Variants in TBX1 observed in about 807,000 individuals in gnomAD.
TBX1 encodes T-box transcription factor TBX1.
A neutral mutation model predicts 40.8 loss-of-function variants in TBX1; 16 were observed. That is an observed-to-expected ratio of 0.39 (90% CI 0.27 to 0.60). TBX1 has a LOEUF of 0.60. Ranked by LOEUF, TBX1 falls within the 20% of genes least tolerant of loss-of-function variation. The pLI is 0.51. For missense variants in TBX1, 755 were observed against 728.5 expected, an observed-to-expected ratio of 1.04 and a Z score of -0.42; for synonymous variants, 403 against 336.8, an observed-to-expected ratio of 1.20 and a Z score of -2.15.
Position 19,766,892 on chromosome 22 carries a change from C to CCG in TBX1, c.*26_*27dup, listed in dbSNP as rs1412436503. 6 of 1,583,242 alleles carry CCG rather than the reference C, an allele frequency of 3.8e-6. No individual in the cohort carries two copies. In the South Asian group the frequency reaches 4.5e-5, roughly 12 times the overall value. On this transcript the variant is annotated 3_prime_UTR_variant, in exon 7 of 7. Transcript: ENST00000649276. ...ACACGGGCCCTGTCGCGCTCCCGCC[C>CCG]CGGTCCTGCACAGCCCCGAAGTTCG...
chr22:19,767,400 C>A, downstream of TBX1: 1 of 986,184 alleles, frequency 1.0e-6, no homozygotes, highest in Non-Finnish European at 1.2e-6. Context: ...GACAGCGAGC[C>A]CGGGGTAGCT....
rs781108085 is a variant in TBX1 at position 19,766,651 on chromosome 22, C to A, written c.1299C>A (p.Asp433Glu). 6.4e-7 allele frequency: 1 copy of A among 1,555,028 alleles called. No homozygotes were observed. The highest frequency in any genetic ancestry group is 1.2e-5 in the South Asian group (1 of 86,678). Reference protein sequence around the residue: ...HPYKYPAAAYDHYLGAKSRPA... With the variant: ...HPYKYPAAAYEHYLGAKSRPA... ...ACAAATATCCGGCCGCCGCCTACGA[C>A]CACTATCTCGGGGCCAAGAGCCGGC... The change falls in exon 7 of 7, where the codon GAC becomes GAA. Residue 433 changes from aspartate (D) to glutamate (E), a missense_variant. By Grantham distance (45) the Asp-to-Glu change is conservative. Around this residue, in one of 3 missense-constraint regions of TBX1, gnomAD observed 412 missense variants for 317.6 expected, o/e 1.30. Coordinates refer to ENST00000649276, the MANE Select transcript of TBX1 (RefSeq NM_001379200.1).
downstream of TBX1, among the ~76,000 whole-genome samples, chr22:19,770,577 G>A (rs1331331454): frequency 6.6e-6 from 1 of 152,248 alleles, no homozygotes; most frequent in Non-Finnish European, 1.5e-5. Context: ...TTGAGCTGCG[G>A]AGGAAGACAA....
chr22:19,766,325 A>G lies in TBX1; in HGVS notation c.1037-64A>G, dbSNP rs72646966. ...AGCCTTCTCTCCGCCAGGGCCTCGC[A>G]TGGGGCGTCGGAGCTCCTCGGCGGC... On this transcript the variant is annotated intron_variant, in intron 6 of 6. Transcript: ENST00000649276. 0.21 allele frequency: 263,845 copies of G among 1,227,814 alleles called. 31,144 individuals are homozygous for G. The highest frequency in any genetic ancestry group is 0.47 in the East Asian group (13,616 of 28,940). The allele number at this position is 1,227,814 out of a possible 1,614,324, so 76.1% of individuals were successfully genotyped here.
chr22:19,760,773 C>A (rs1478713313), upstream of TBX1: 1 of 394,294 alleles, frequency 2.5e-6, no homozygotes, highest in Non-Finnish European at 3.4e-6. Flanking sequence ...AGCGCGGCGC[C>A]CGCCACTCGG....
At chr22:19,767,402 G>A (rs1936901963), downstream of TBX1, 1 of 985,866 alleles carries the variant, frequency 1.0e-6, no homozygotes, top group African/African-American at 1.7e-5. Flanking sequence ...CAGCGAGCCC[G>A]GGGTAGCTCA....
exon 9 of TBX1, chr22:19,779,267 A>G (rs776659451): frequency 6.2e-7 from 1 of 1,614,242 alleles, no homozygotes. Context: ...GACGTCTAGG[A>G]ACACACCAGA....
Position 19,765,991 on chromosome 22 carries a change from G to A in TBX1, c.1025G>A (p.Gly342Asp), listed in dbSNP as rs1191464098. The A allele has an allele frequency of 2.6e-6, 4 of 1,511,666 alleles. No individual in the cohort carries two copies. The highest frequency in any genetic ancestry group is 3.5e-6 in the Non-Finnish European group (4 of 1,136,136). 93.6% of individuals were successfully genotyped at this position (1,511,666 alleles called of 1,614,324 possible). A position where few individuals can be genotyped will look rare whatever the true frequency, so the allele number is the denominator to read the frequency against. The change falls in exon 6 of 7, where the codon GGC becomes GAC. Residue 342 changes from glycine (G) to aspartate (D), a missense_variant. Around this residue, in one of 3 missense-constraint regions of TBX1, gnomAD observed 412 missense variants for 317.6 expected, o/e 1.30. Transcript: ENST00000649276. The part of the protein sequence containing the change: ...NPVASPTQPS[G>D]TEKDAAEARR... ...GTGGCTTCCCCGACGCAGCCCAGCG[G>A]CACGGAGAAAGGTAGGGCCGGGGTC...
chr22:19,763,462 T>C (rs1785225563), intron 2 of TBX1, 120 bp downstream of exon 2: 7 of 849,124 alleles, frequency 8.2e-6, no homozygotes, highest in Non-Finnish European at 1.3e-5. Flanking sequence ...GCACCTGCGA[T>C]GCTGCCCGAT....
At chr22:19,782,449 G>A (rs1278670981), downstream of TBX1, among the ~76,000 whole-genome samples, 2 of 152,108 alleles carry the variant, frequency 1.3e-5, no homozygotes, top group Non-Finnish European at 2.9e-5. Context: ...GTTATGTTGA[G>A]GAACTCTTTA....
chr22:19,767,401 C>T (rs1936901872), downstream of TBX1: 1 of 986,124 alleles, frequency 1.0e-6, no homozygotes, highest in Non-Finnish European at 1.2e-6. Context: ...ACAGCGAGCC[C>T]GGGGTAGCTC....
chr22:19,782,796 C>T, downstream of TBX1: 3 of 1,577,568 alleles, frequency 1.9e-6, no homozygotes, highest in South Asian at 1.1e-5. Context: ...TGTCTGTGTT[C>T]ACTCTTTCTT....
In TBX1 at chr22:19,766,857, G is replaced by T. The variant is rs1936877305; in HGVS notation, c.1505G>T (p.Cys502Phe). 6.3e-7 allele frequency: 1 copy of T among 1,580,496 alleles called. No individual in the cohort carries two copies. The highest frequency in any genetic ancestry group is 1.7e-5 in the Admixed American group (1 of 58,876). ...GAAPPGSYDYCPR is the reference protein window; with the variant it reads ...GAAPPGSYDYFPR The stretch of plus-strand genomic sequence containing the variant: ...GCGCCGCCCGGCTCCTACGACTATT[G>T]CCCCAGATAACACGGGCCCTGTCGC... The change falls in exon 7 of 7, where the codon TGC (cysteine) becomes TTC (phenylalanine). Residue 502 changes from cysteine (C) to phenylalanine (F), a missense_variant. Cys to Phe is a radical substitution (Grantham distance 205). Transcript: ENST00000649276.
rs562643894 is a variant in TBX1, at chr22:19,778,668, C to T, written c.1010-552C>T. 9.1e-4 allele frequency among the ~76,000 whole-genome samples: 139 copies of T among 152,276 alleles called. 1 individual carries two copies. The highest frequency in any genetic ancestry group is 4.4e-5 in the Non-Finnish European group (3 of 68,022). ...CAGGCTGATCTCAAACTCCTGGGCT[C>T]AAATGATCCGCCTGCCTCAGCCTCC... On this transcript the variant is annotated intron_variant, in intron 8 of 8. Transcript: ENST00000329705.
upstream of TBX1, among the ~76,000 whole-genome samples, chr22:19,757,316 G>A (rs1366741728): frequency 6.6e-6 from 1 of 152,062 alleles, no homozygotes; most frequent in African/African-American, 2.4e-5. Flanking sequence ...AGGGGTTAAT[G>A]GGGGCTGGAA....
chr22:19,766,085 G>C lies in TBX1; in HGVS notation c.1036+83G>C, dbSNP rs72646963. ...GGCGGCCTCGCCCGACCTCGCCTGC[G>C]CCCCCGGGGCGCTCCAGGCTTTCGC... is the stretch of plus-strand genomic sequence containing the variant. On this transcript the variant is annotated intron_variant, in intron 6 of 6. Coordinates refer to ENST00000649276, the MANE Select transcript of TBX1 (RefSeq NM_001379200.1). The C allele has an allele frequency of 3.1e-5, 37 of 1,187,104 alleles. No individual in the cohort carries two copies. The African/African-American group carries it at 5.8e-4, about 19-fold the overall frequency. The allele number at this position is 1,187,104 out of a possible 1,614,324, so 73.5% of individuals were successfully genotyped here.
downstream of TBX1, among the ~76,000 whole-genome samples, chr22:19,782,198 T>C (rs748982366): frequency 6.6e-6 from 1 of 152,240 alleles, no homozygotes; most frequent in Non-Finnish European, 1.5e-5. Flanking sequence ...AAAAATGTCA[T>C]TGGGATTTTT....
At chr22:19,759,639 C>A (rs759287049), upstream of TBX1, 5 of 1,612,222 alleles carry the variant, frequency 3.1e-6, no homozygotes, top group South Asian at 2.2e-5. Context: ...GGATCCCCGG[C>A]AGGGATGCAC....
intron 8 of TBX1, among the ~76,000 whole-genome samples, chr22:19,778,007 G>C (rs763718493): frequency 3.3e-5 from 5 of 151,946 alleles, no homozygotes; most frequent in Non-Finnish European, 5.9e-5. Context: ...TGATCCTCTT[G>C]CCTTGGCCTC....
Sources: gnomAD v4.1 joint callset for allele counts (sites outside exome capture counted in the v4.1 genomes callset) on GRCh38, gnomAD v4.1.1 for gene constraint, gnomAD v4.1.1 regional missense constraint, MANE v1.5 for transcripts, NCBI Gene and HGNC (gene_info 2026-07-23, HGNC 2026-07-21) for gene names.